The following ABI3 variants were observed in gnomAD, a reference collection of about 807,000 sequenced individuals.
ABI3 encodes the protein ABI family member 3.
In ABI3, 24 loss-of-function variants were observed where a neutral mutation model predicts 37.0. The ratio of observed to expected loss-of-function variants is 0.65; its 90% confidence interval spans 0.47 to 0.91. The LOEUF (loss-of-function observed/expected upper bound fraction) is 0.91, where lower values mean the gene tolerates loss of function less well. Among genes scored for constraint, ABI3 ranks in the 40% least tolerant of loss-of-function variants. The probability of loss-of-function intolerance (pLI) is 0.00; values close to 1 mark genes in which losing one functional copy is unlikely to be tolerated. For synonymous variants in ABI3, 220 were observed against 211.8 expected (o/e 1.04, Z -0.34); for missense variants, 481 against 485.1 (o/e 0.99, Z 0.08).
At position 49,217,801 on chromosome 17, in the gene ABI3, G is replaced by C. The variant is rs2043237098; in HGVS notation, c.348G>C (p.Gln116His). ...RREIGTLATV[Q>H]RLPPGQKVIA... is the part of the protein sequence containing the mutation. Reference sequence around the variant, plus strand: ...AGATCGGCACCTTAGCCACTGTCCAGCGGCTGCCCCCCGGCCAGAAGGTCA... The same window carrying C: ...AGATCGGCACCTTAGCCACTGTCCACCGGCTGCCCCCCGGCCAGAAGGTCA... Residue 116 changes from glutamine to histidine, a missense_variant, in exon 3 of 8, where the codon CAG becomes CAC. Physicochemically the swap from Gln to His is conservative, Grantham distance 24. Coordinates refer to ENST00000225941, the MANE Select transcript of ABI3 (RefSeq NM_016428.3). The C allele has an allele frequency of 1.2e-6, 2 of 1,611,510 alleles. No individual in the cohort carries two copies. Among genetic ancestry groups the C allele is most frequent in the Admixed American group, 3.4e-5 (2 of 59,620 alleles).
intron 2 of ABI3, 38 bp from the exon 3 acceptor site, chr17:49,217,701 G>T: frequency 6.3e-7 from 1 of 1,578,480 alleles, no homozygotes. Context: ...GCTGGACACA[G>T]ACCACCCCTC....
At chr17:49,221,297 T>C (rs919048429) in intron 6 of ABI3, among the ~76,000 whole-genome samples, 2 of 150,220 alleles carry the variant, frequency 1.3e-5, no homozygotes, top group Non-Finnish European at 3.0e-5. Context: ...GGTGAAACCC[T>C]GTCTCTACTA....
chr17:49,218,184 C>T (rs866387256), intron 3 of ABI3, among the ~76,000 whole-genome samples: 11 of 152,190 alleles, frequency 7.2e-5, no homozygotes, highest in African/African-American at 2.2e-4. Flanking sequence ...CTGTGGGCAC[C>T]GGGCGTGTGG....
intron 1 of ABI3, among the ~76,000 whole-genome samples, chr17:49,211,623 T>A (rs888285501): frequency 1.3e-5 from 2 of 152,142 alleles, no homozygotes; most frequent in Admixed American, 1.3e-4. Context: ...TGAGGTGACT[T>A]GTCTAAGGCC....
Position 49,219,484 on chromosome 17 carries a change from G to T in ABI3, c.463-56G>T. On this transcript the variant is annotated intron_variant, in intron 3 of 7. Transcript: ENST00000225941. The surrounding 1 kb of genome is among the most constrained non-coding windows in gnomAD (Gnocchi z 4.3). ...CTCCTCCATTTCCTCTTGGGGATGA[G>T]GGTGGAGGGAGGCCCCTCACCCCAA... The T allele has an allele frequency of 2.8e-6, 4 of 1,439,052 alleles. No homozygotes were observed. In the South Asian group the frequency reaches 3.7e-5, roughly 13 times the overall value. 89.1% of individuals were successfully genotyped at this position (1,439,052 alleles called of 1,614,324 possible).
At chr17:49,212,830 G>A (rs981835351) in intron 1 of ABI3, among the ~76,000 whole-genome samples, 1 of 151,646 alleles carries the variant, frequency 6.6e-6, no homozygotes, top group Admixed American at 6.6e-5. Flanking sequence ...GTGACCACCT[G>A]CAGATGAGAC....
At chr17:49,218,027 C>T in intron 3 of ABI3, 112 bp downstream of exon 3, 1 of 1,111,890 alleles carries the variant, frequency 9.0e-7, no homozygotes, top group Non-Finnish European at 1.2e-6. Flanking sequence ...CCACTCCTTT[C>T]TTTCCCCGCT....
chr17:49,212,273 A>G (rs2043176414), intron 1 of ABI3, among the ~76,000 whole-genome samples: 1 of 151,990 alleles, frequency 6.6e-6, no homozygotes, highest in Non-Finnish European at 1.5e-5. Flanking sequence ...TCCTGATGCC[A>G]AGCTCTTTCC....
In ABI3 at chr17:49,219,550, C is replaced by A; in HGVS notation, c.473C>A (p.Thr158Lys). ...CCCGCTCCCTCGCAGGACCTCAGCA[C>A]GCAGCTGTCAAGAACAGGCACCCTG... is the stretch of plus-strand genomic sequence containing the variant. ...DIGHGIKDLS[T>K]QLSRTGTLSR... The change falls in exon 4 of 8, where the codon ACG becomes AAG. Residue 158 changes from threonine to lysine, a missense_variant. Transcript: ENST00000225941. The surrounding 1 kb of genome is among the most constrained non-coding windows in gnomAD (Gnocchi z 4.3). 6.2e-7 allele frequency: 1 copy of A among 1,603,802 alleles called. No individual in the cohort carries two copies. Among genetic ancestry groups the A allele is most frequent in the South Asian group, 1.1e-5 (1 of 89,256 alleles).
At chr17:49,218,046 C>T in intron 3 of ABI3, 131 bp downstream of exon 3, 1 of 929,334 alleles carries the variant, frequency 1.1e-6, no homozygotes, top group Non-Finnish European at 1.5e-6. Context: ...CTCCCTGAAA[C>T]CACCACTCTG....
intron 6 of ABI3, among the ~76,000 whole-genome samples, chr17:49,220,891 T>A (rs866666314): frequency 3.6e-5 from 5 of 139,868 alleles, no homozygotes; most frequent in African/African-American, 7.8e-5. Context: ...ATAATAATAA[T>A]AAACTTAATC....
intron 3 of ABI3, 149 bp downstream of exon 3, chr17:49,218,064 C>T: frequency 1.3e-6 from 1 of 784,942 alleles, no homozygotes; most frequent in Non-Finnish European, 1.9e-6. Context: ...CTGAGCTCTT[C>T]TCCCTCTCCC....
intron 2 of ABI3, among the ~76,000 whole-genome samples, chr17:49,217,531 A>G (rs1364707992): frequency 2.8e-5 from 4 of 143,832 alleles, no homozygotes; most frequent in African/African-American, 1.0e-4. Flanking sequence ...TCCACCAGGA[A>G]GTTGCTCCAA....
At chr17:49,217,352 G>T (rs1472856787) in intron 2 of ABI3, among the ~76,000 whole-genome samples, 1 of 152,022 alleles carries the variant, frequency 6.6e-6, no homozygotes, top group East Asian at 1.9e-4. Context: ...TTACTTATTT[G>T]TCCCCCAAAG....
In ABI3 at chr17:49,222,850, CCA is replaced by C; in HGVS notation, c.*136_*137del. On this transcript the variant is annotated 3_prime_UTR_variant, in exon 8 of 8. Transcript: ENST00000225941. ...TGTGAGCTGTGTTCTGTCCTTCCTC[CCA>C]TCGGAGGGAGAAGGGGTCCTGGGGA... The C allele has an allele frequency of 9.7e-7, 1 of 1,035,248 alleles. No homozygotes were observed. Among genetic ancestry groups the C allele is most frequent in the Non-Finnish European group, 1.4e-6 (1 of 733,184 alleles). 64.1% of individuals were successfully genotyped at this position (1,035,248 alleles called of 1,614,324 possible).
chr17:49,221,452 C>T (rs932792524), intron 6 of ABI3, among the ~76,000 whole-genome samples: 1 of 152,050 alleles, frequency 6.6e-6, no homozygotes, highest in African/African-American at 2.4e-5. Flanking sequence ...GCCTGGGCGA[C>T]ACAGCGAGAC....
chr17:49,214,129 G>T (rs2043198003), intron 1 of ABI3, among the ~76,000 whole-genome samples: 1 of 152,218 alleles, frequency 6.6e-6, no homozygotes, highest in Non-Finnish European at 1.5e-5. Context: ...GAGGCTCCCA[G>T]GTGTCTCAGA....
Position 49,210,885 on chromosome 17 carries a change from G to C in ABI3, c.117+44G>C, listed in dbSNP as rs2043159354. ...AGCCTGACACCCCAGCCCCCGGAGG[G>C]GGGACCCTGAGCCCTGCCCCAAGTG... On this transcript the variant is annotated intron_variant, in intron 1 of 7. Transcript: ENST00000225941. This position sits in a 1 kb window ranked among gnomAD's most constrained non-coding sequence, Gnocchi z 4.2. 1.3e-6 allele frequency: 2 copies of C among 1,503,974 alleles called. No homozygotes were observed. The highest frequency in any genetic ancestry group is 2.5e-5 in the East Asian group (1 of 40,250). 93.2% of individuals were successfully genotyped at this position (1,503,974 alleles called of 1,614,324 possible).
In ABI3 at chr17:49,222,880, G is replaced by A. The variant is rs1359173526; in HGVS notation, c.*165G>A. On this transcript the variant is annotated 3_prime_UTR_variant, in exon 8 of 8. Transcript: ENST00000225941. ...GGAGGGAGAAGGGGTCCTGGGGAGA[G>A]AGAATTTATCCAGAGGCCTGCTGCA... 3 of 813,662 alleles carry A rather than the reference G, an allele frequency of 3.7e-6. No homozygotes were observed. The highest frequency in any genetic ancestry group is 5.6e-6 in the Non-Finnish European group (3 of 536,344). 50.4% of individuals were successfully genotyped at this position (813,662 alleles called of 1,614,324 possible).
Sources: gnomAD v4.1 joint callset for allele counts (sites outside exome capture counted in the v4.1 genomes callset) on GRCh38, gnomAD v4.1.1 for gene constraint, Gnocchi (gnomAD v3.1) non-coding constraint, MANE v1.5 for transcripts, NCBI Gene and HGNC (gene_info 2026-07-23, HGNC 2026-07-21) for gene names.